The following DNAJC27 variants were observed in gnomAD, a reference collection of about 807,000 sequenced individuals.
The protein encoded by DNAJC27 is dnaJ homolog subfamily C member 27.
Under a neutral mutation model 31.4 loss-of-function variants are expected in DNAJC27, and 25 were observed. The observed-to-expected ratio is 0.80, with a 90% CI of 0.58 to 1.11. DNAJC27 has a LOEUF of 1.11. Among genes scored for constraint, DNAJC27 ranks in the 50% most tolerant of loss-of-function variants. DNAJC27 has a pLI of 0.00. For synonymous variants in DNAJC27, 106 were observed against 112.7 expected (o/e 0.94, Z 0.37); for missense variants, 356 against 347.3 (o/e 1.02, Z -0.20).
intron 5 of DNAJC27, among the ~76,000 whole-genome samples, chr2:24,956,514 A>C (rs956854759): frequency 2.0e-5 from 3 of 152,170 alleles, no homozygotes; most frequent in Middle Eastern, 3.4e-3. Context: ...CTATTCTCTA[A>C]CTGCACCCCT....
chr2:24,950,853 T>A (rs10179344), intron 6 of DNAJC27, among the ~76,000 whole-genome samples: 22,988 of 145,814 alleles, frequency 0.16, 2,300 homozygotes, highest in African/African-American at 0.28. Flanking sequence ...GTCTCAAAAA[T>A]AAAAATAAAA....
chr2:24,950,863 A>T (rs965009877), intron 6 of DNAJC27, among the ~76,000 whole-genome samples: 1 of 149,558 alleles, frequency 6.7e-6, no homozygotes, highest in Non-Finnish European at 1.5e-5. Context: ...TAAAAATAAA[A>T]AAAAAAAATA....
rs1318942362 is a variant in DNAJC27 at position 24,945,338 on chromosome 2, T to A, written c.*2278A>T. The A allele has an allele frequency of 2.0e-5, 3 of 152,240 alleles. No homozygotes were observed. The highest frequency in any genetic ancestry group is 4.4e-5 in the Non-Finnish European group (3 of 68,040). The allele number at this position is 152,240 out of a possible 1,614,324, so 9.4% of individuals were successfully genotyped here. ...CAAGACCTAAGAATCAAGCTCAGGC[T>A]AAATTTCACCAACTCACACATAAGG... On this transcript the variant is annotated 3_prime_UTR_variant, in exon 7 of 7. Transcript: ENST00000264711.
At chr2:24,971,783 G>A in intron 1 of DNAJC27, 35 bp downstream of exon 1, 1 of 1,567,392 alleles carries the variant, frequency 6.4e-7, no homozygotes, top group Non-Finnish European at 8.6e-7. Context: ...GCCCCGCCAC[G>A]CTGGGGCCCG....
At chr2:24,955,942 G>A (rs961595367) in intron 5 of DNAJC27, among the ~76,000 whole-genome samples, 1 of 152,226 alleles carries the variant, frequency 6.6e-6, no homozygotes, top group Admixed American at 6.5e-5. Context: ...CCAGAATGGT[G>A]AAGTACTATT....
rs181132932 is a variant in DNAJC27, at chr2:24,946,611, C to A, written c.*1005G>T. On this transcript the variant is annotated 3_prime_UTR_variant, in exon 7 of 7. Coordinates refer to ENST00000264711, the MANE Select transcript of DNAJC27 (RefSeq NM_016544.3). Reference sequence around the variant, plus strand: ...AGTCTCTCCTACTGCATCAAGCTTGCCCCAAGCTTGGCTGGCCTTTCCTCT... The same window carrying A: ...AGTCTCTCCTACTGCATCAAGCTTGACCCAAGCTTGGCTGGCCTTTCCTCT... 1 of 152,200 alleles carries A rather than the reference C, an allele frequency of 6.6e-6. No individual in the cohort carries two copies. Among genetic ancestry groups the A allele is most frequent in the African/African-American group, 2.4e-5 (1 of 41,444 alleles). The allele number at this position is 152,200 out of a possible 1,614,324, so 9.4% of individuals were successfully genotyped here. A position where few individuals can be genotyped will look rare whatever the true frequency, so the allele number is the denominator to read the frequency against.
intron 5 of DNAJC27, among the ~76,000 whole-genome samples, chr2:24,955,506 T>C (rs1028292510): frequency 2.0e-5 from 3 of 151,806 alleles, no homozygotes; most frequent in African/African-American, 7.3e-5. Flanking sequence ...GAAATAATAG[T>C]AAAACAAAAA....
intron 4 of DNAJC27, 140 bp downstream of exon 4, chr2:24,957,670 G>T: frequency 2.4e-6 from 2 of 826,240 alleles, no homozygotes; most frequent in Admixed American, 2.7e-5. Flanking sequence ...TTTTGTTTTT[G>T]TCTTAGGGAC....
At chr2:24,957,754 C>G in intron 4 of DNAJC27, 56 bp downstream of exon 4, 1 of 1,505,982 alleles carries the variant, frequency 6.6e-7, no homozygotes, top group Admixed American at 1.9e-5. Context: ...TTTCCCAACA[C>G]TCAAAGCTCC....
In DNAJC27 at chr2:24,968,868, TA is replaced by T. The variant is rs367678825; in HGVS notation, c.88-1576del. 715 of 153,642 alleles carry T rather than the reference TA, an allele frequency of 4.7e-3. 15 individuals carry two copies. The highest frequency in any genetic ancestry group is 0.02 in the Admixed American group (299 of 15,306). 9.5% of individuals were successfully genotyped at this position (153,642 alleles called of 1,614,324 possible). ...TACCAATGGGAAAAGTTTGGTAGCT[TA>T]AAAAAAATTTTTTTTTAAATTAAAC... On this transcript the variant is annotated intron_variant, in intron 1 of 6. Coordinates refer to ENST00000264711, the MANE Select transcript of DNAJC27 (RefSeq NM_016544.3).
intron 2 of DNAJC27, among the ~76,000 whole-genome samples, chr2:24,965,835 C>T (rs529581555): frequency 1.3e-5 from 2 of 152,214 alleles, no homozygotes; most frequent in African/African-American, 4.8e-5. Context: ...AAATATTGCC[C>T]TCATAGTCTA....
In DNAJC27 at chr2:24,963,395, G is replaced by A; in HGVS notation, c.240+10C>T. 1 of 1,610,538 alleles carries A rather than the reference G, an allele frequency of 6.2e-7. No homozygotes were observed. Among genetic ancestry groups the A allele is most frequent in the Non-Finnish European group, 8.5e-7 (1 of 1,177,316 alleles). On this transcript the variant is annotated intron_variant, in intron 3 of 6. Transcript: ENST00000264711. ...ACTGGATATAGGTTTTGTCAAAAAG[G>A]CTTTCTTACCTCATAGAAGAAGGGA... is the stretch of plus-strand genomic sequence containing the variant.
chr2:24,947,650 T>C lies in DNAJC27; in HGVS notation c.788A>G (p.Asn263Ser), dbSNP rs776444237. Reference protein sequence around the residue: ...GSEDAFKAVVNARTALLKNIK With the variant: ...GSEDAFKAVVSARTALLKNIK The stretch of plus-strand genomic sequence containing the variant: ...GTTTTTCAGGAGGGCTGTCCGAGCA[T>C]TCACAACTGCTTTGAAGGCATCTTC... The change falls in exon 7 of 7, where the codon AAT becomes AGT. Residue 263 changes from asparagine to serine, a missense_variant. By Grantham distance (46) the Asn-to-Ser change is conservative. Transcript: ENST00000264711. The C allele has an allele frequency of 1.2e-5, 20 of 1,611,590 alleles. No homozygotes were observed. In the Admixed American group the frequency reaches 1.7e-4, roughly 13 times the overall value.
At chr2:24,954,364 C>T (rs1256074959) in intron 5 of DNAJC27, among the ~76,000 whole-genome samples, 1 of 152,146 alleles carries the variant, frequency 6.6e-6, no homozygotes, top group Non-Finnish European at 1.5e-5. Flanking sequence ...TCATTAATTG[C>T]CCCACCATCT....
rs770199798 is a variant in DNAJC27, at chr2:24,963,472, AC to A, written c.172del (p.Val58TyrfsTer35). Reference sequence around the variant, plus strand: ...TTTGATTTCTCTGTCTCTGACGTGTACCCTGAAATGTTCAAATGGAAACAAT... The same window carrying A: ...TTTGATTTCTCTGTCTCTGACGTGTACCTGAAATGTTCAAATGGAAACAAT... ...TIGIDYGVTK[V>X]HVRDREIKVN... On this transcript the variant is annotated frameshift_variant and splice_region_variant, in exon 3 of 7. Transcript: ENST00000264711. LOFTEE classifies it high-confidence loss of function. 1.2e-5 allele frequency: 20 copies of A among 1,612,166 alleles called. No homozygotes were observed. The Admixed American group carries it at 2.8e-4, about 23-fold the overall frequency.
chr2:24,947,594 A>T lies in DNAJC27; in HGVS notation c.*22T>A. ...AAGTCTGTTTGCATTTGAGTCCCACATGTGGCTTTTTTCTGTACTTTCTAC... is the reference window on the plus strand; with the variant it reads ...AAGTCTGTTTGCATTTGAGTCCCACTTGTGGCTTTTTTCTGTACTTTCTAC... On this transcript the variant is annotated 3_prime_UTR_variant, in exon 7 of 7. Coordinates refer to ENST00000264711, the MANE Select transcript of DNAJC27 (RefSeq NM_016544.3). The T allele has an allele frequency of 6.3e-7, 1 of 1,583,372 alleles. No homozygotes were observed.
intron 3 of DNAJC27, among the ~76,000 whole-genome samples, chr2:24,958,761 T>C (rs569205405): frequency 5.9e-5 from 9 of 152,230 alleles, no homozygotes; most frequent in Admixed American, 5.2e-4. Flanking sequence ...ATTCCAAATG[T>C]GGGAAGAGGC....
Position 24,947,580 on chromosome 2 carries a change from C to T in DNAJC27, c.*36G>A, listed in dbSNP as rs764471180. On this transcript the variant is annotated 3_prime_UTR_variant, in exon 7 of 7. Transcript: ENST00000264711. ...TTCACCTCTAGGGAAAGTCTGTTTG[C>T]ATTTGAGTCCCACATGTGGCTTTTT... 12 of 1,564,620 alleles carry T rather than the reference C, an allele frequency of 7.7e-6. No individual in the cohort carries two copies.
chr2:24,943,647 T>C lies in DNAJC27; in HGVS notation c.*3969A>G, dbSNP rs1452876645. The stretch of plus-strand genomic sequence containing the variant: ...ATGCAGCCCACAGACCGGTGTTTGA[T>C]ACTTGGCTTTACTTTATAAAAATAC... On this transcript the variant is annotated 3_prime_UTR_variant, in exon 7 of 7. Transcript: ENST00000264711. The C allele has an allele frequency of 6.6e-6, 1 of 152,634 alleles. No individual in the cohort carries two copies. Among genetic ancestry groups the C allele is most frequent in the African/African-American group, 2.4e-5 (1 of 41,450 alleles). 9.5% of individuals were successfully genotyped at this position (152,634 alleles called of 1,614,324 possible).
Sources: gnomAD v4.1 joint callset for allele counts (sites outside exome capture counted in the v4.1 genomes callset) on GRCh38, gnomAD v4.1.1 for gene constraint, MANE v1.5 for transcripts, NCBI Gene and HGNC (gene_info 2026-07-23, HGNC 2026-07-21) for gene names.